FSTL4: variants seen among roughly 807,000 people sequenced by gnomAD.
FSTL4 encodes the protein follistatin like 4, also known as follistatin-related protein 4.
In FSTL4, 28 loss-of-function variants were observed where a neutral mutation model predicts 78.2. The ratio of observed to expected loss-of-function variants is 0.36; its 90% CI spans 0.27 to 0.49. The LOEUF is 0.49. Among genes scored for constraint, FSTL4 ranks in the 20% least tolerant of loss-of-function variants. The pLI, the probability that FSTL4 is intolerant of heterozygous loss-of-function variation, is 0.98. For missense variants in FSTL4, 922 were observed against 1,084.9 expected, an observed-to-expected ratio of 0.85 and a Z score of 2.11; for synonymous variants, 422 against 440.5, an observed-to-expected ratio of 0.96 and a Z score of 0.53.
At chr5:133,244,101 A>C (rs1246864396) in intron 7 of FSTL4, 1 of 152,642 alleles carries the variant, frequency 6.6e-6, no homozygotes, top group African/African-American at 2.4e-5. Flanking sequence ...GGGCCAGAGT[A>C]GGGAGGGAAT....
chr5:133,818,189 G>T, the FSTL4 span, among the ~76,000 whole-genome samples: 1 of 152,220 alleles, frequency 6.6e-6, no homozygotes, highest in Admixed American at 6.5e-5. Flanking sequence ...CATGCTCCAG[G>T]TCCCAGAAAT....
At chr5:133,741,652 C>A in the FSTL4 span, among the ~76,000 whole-genome samples, 96 of 152,294 alleles carry the variant, frequency 6.3e-4, no homozygotes, top group Non-Finnish European at 1.1e-3. Context: ...AACACAGAGG[C>A]CTCTCTGCCC....
At chr5:133,595,941 C>T (rs973395953) in intron 2 of FSTL4, among the ~76,000 whole-genome samples, 5 of 152,202 alleles carry the variant, frequency 3.3e-5, no homozygotes, top group African/African-American at 1.2e-4. Flanking sequence ...CCGGGGATGC[C>T]TTAGGCGGCA....
the FSTL4 span, among the ~76,000 whole-genome samples, chr5:133,768,258 T>C: frequency 2.6e-5 from 4 of 152,184 alleles, no homozygotes; most frequent in South Asian, 8.3e-4. Flanking sequence ...ATGATGGATG[T>C]TGTTATACCC....
chr5:133,240,511 G>A (rs987936343), intron 7 of FSTL4, among the ~76,000 whole-genome samples: 2 of 152,176 alleles, frequency 1.3e-5, no homozygotes, highest in Admixed American at 1.3e-4. Context: ...CCTGGAAGAG[G>A]GAGTTGGAGG....
At chr5:133,313,207 G>A (rs1322713977) in intron 5 of FSTL4, among the ~76,000 whole-genome samples, 2 of 152,180 alleles carry the variant, frequency 1.3e-5, no homozygotes, top group East Asian at 1.9e-4. Context: ...GCTTCCAGCT[G>A]CATAGAGCTG....
chr5:133,486,662 T>A (rs1316094365), intron 3 of FSTL4, among the ~76,000 whole-genome samples: 1 of 152,136 alleles, frequency 6.6e-6, no homozygotes, highest in Non-Finnish European at 1.5e-5. Flanking sequence ...GTTGTGTTAC[T>A]GCAAAAACCT....
the FSTL4 span, among the ~76,000 whole-genome samples, chr5:133,752,609 C>CAAATA: frequency 1.1e-4 from 16 of 151,580 alleles, no homozygotes; most frequent in South Asian, 2.1e-4. Flanking sequence ...GGCTCTGTCT[C>CAAATA]AAATAAAATA....
At chr5:133,775,029 G>A in the FSTL4 span, among the ~76,000 whole-genome samples, 1 of 152,046 alleles carries the variant, frequency 6.6e-6, no homozygotes, top group African/African-American at 2.4e-5. Flanking sequence ...ACAAAGAAAA[G>A]CACAACTTGA....
intron 6 of FSTL4, among the ~76,000 whole-genome samples, chr5:133,295,254 T>G (rs1020201774): frequency 6.6e-6 from 1 of 152,110 alleles, no homozygotes; most frequent in African/African-American, 2.4e-5. Flanking sequence ...TCTCTGTCGG[T>G]TCACACTCTC....
chr5:133,732,041 C>T, the FSTL4 span, among the ~76,000 whole-genome samples: 2 of 152,120 alleles, frequency 1.3e-5, no homozygotes. Flanking sequence ...CAGGCACAAG[C>T]AACCTGTGTG....
At chr5:133,564,125 T>C (rs1241851411) in intron 3 of FSTL4, among the ~76,000 whole-genome samples, 2 of 152,200 alleles carry the variant, frequency 1.3e-5, no homozygotes. Context: ...CATCACACGA[T>C]GTTCTCCTTG....
At chr5:133,513,116 C>T (rs907839428) in intron 3 of FSTL4, among the ~76,000 whole-genome samples, 2 of 152,142 alleles carry the variant, frequency 1.3e-5, no homozygotes, top group Non-Finnish European at 2.9e-5. Flanking sequence ...CCACTGTGCC[C>T]GGCCTGGATA....
At chr5:133,700,917 G>T in the FSTL4 span, among the ~76,000 whole-genome samples, 3 of 152,196 alleles carry the variant, frequency 2.0e-5, no homozygotes, top group African/African-American at 7.2e-5. Context: ...AGATAATGTC[G>T]AATGACAAAA....
chr5:133,838,344 T>G, the FSTL4 span, among the ~76,000 whole-genome samples: 1 of 152,236 alleles, frequency 6.6e-6, no homozygotes, highest in Non-Finnish European at 1.5e-5. Flanking sequence ...CTTAGTGGCT[T>G]AAAACAAAGT....
chr5:133,705,571 C>A, the FSTL4 span, among the ~76,000 whole-genome samples: 2 of 152,080 alleles, frequency 1.3e-5, no homozygotes, highest in South Asian at 2.1e-4. Context: ...CCCCTGACAA[C>A]CACAAGACCC....
At chr5:133,224,134 CA>C (rs769411233) in intron 11 of FSTL4, 55 bp downstream of exon 11, 35 of 1,465,304 alleles carry the variant, frequency 2.4e-5, no homozygotes, top group Non-Finnish European at 3.2e-5. Context: ...GACGGCCCAT[CA>C]TAGAACCAAA....
chr5:133,834,900 TTAAG>T, the FSTL4 span, among the ~76,000 whole-genome samples: 1 of 151,996 alleles, frequency 6.6e-6, no homozygotes, highest in African/African-American at 2.4e-5. Context: ...TGCATAAAAA[TTAAG>T]TGATTTGTGG....
Position 133,612,235 on chromosome 5 carries a change from G to T in FSTL4, c.-11+90C>A, listed in dbSNP as rs1419387993. 1 of 152,056 alleles carries T rather than the reference G, an allele frequency of 6.6e-6. No individual in the cohort carries two copies. The highest frequency in any genetic ancestry group is 2.0e-4 in the East Asian group (1 of 5,100). 9.4% of individuals were successfully genotyped at this position (152,056 alleles called of 1,614,324 possible). ...GCAAGATGCGGGGCCGCGGGCGCCA[G>T]GACCCCAGTGGGGTGCAGCGGGACC... On this transcript the variant is annotated intron_variant, in intron 1 of 15. Transcript: ENST00000265342. This position sits in a 1 kb window ranked among gnomAD's most constrained non-coding sequence, Gnocchi z 6.2.
Sources: allele counts gnomAD v4.1 joint callset (sites outside exome capture counted in the v4.1 genomes callset), GRCh38; gene constraint gnomAD v4.1.1; non-coding constraint Gnocchi (gnomAD v3.1); transcripts MANE v1.5; gene names NCBI Gene and HGNC (gene_info 2026-07-23, HGNC 2026-07-21).